DLGAP2: variants seen among roughly 807,000 people sequenced by gnomAD.
The protein encoded by DLGAP2 is disks large-associated protein 2.
In DLGAP2, 26 loss-of-function variants were observed where a neutral mutation model predicts 100.3. The observed-to-expected ratio is 0.26, with a 90% CI of 0.19 to 0.36. The LOEUF (loss-of-function observed/expected upper bound fraction) is 0.36, where lower values mean the gene tolerates loss of function less well. Ranked by LOEUF, DLGAP2 falls within the 10% of genes least tolerant of loss-of-function variation. The pLI, the probability that DLGAP2 is intolerant of heterozygous loss-of-function variation, is 1.00. For missense variants in DLGAP2, 1,858 were observed against 1,453.2 expected (o/e 1.28, Z -4.53); for synonymous variants, 886 against 630.1 (o/e 1.41, Z -6.08).
At chr8:860,005 T>A (rs1363045765) in intron 1 of DLGAP2, among the ~76,000 whole-genome samples, 5 of 152,222 alleles carry the variant, frequency 3.3e-5, no homozygotes, top group African/African-American at 1.2e-4. Context: ...TGGTAAAAAG[T>A]AGATTAAAGT....
At chr8:1,350,167 T>C (rs1304007888) in intron 3 of DLGAP2, among the ~76,000 whole-genome samples, 1 of 151,576 alleles carries the variant, frequency 6.6e-6, no homozygotes, top group African/African-American at 2.4e-5. Context: ...CTTCATGCTC[T>C]TGTGGCGTGG....
chr8:1,276,571 T>C (rs533314397), intron 3 of DLGAP2, among the ~76,000 whole-genome samples: 3 of 152,278 alleles, frequency 2.0e-5, no homozygotes, highest in South Asian at 4.1e-4. Flanking sequence ...GTTTTCACAT[T>C]AAGTGCGGTT....
rs75303431 is a variant in DLGAP2, at chr8:1,469,111, A to C, written c.107-32255A>C. ...GTCATTCATTCTATGAAAGAAATCCATGCTGGGCGCCCCGTGTCCAGCTGG... is the reference window on the plus strand; with the variant it reads ...GTCATTCATTCTATGAAAGAAATCCCTGCTGGGCGCCCCGTGTCCAGCTGG... On this transcript the variant is annotated intron_variant, in intron 3 of 14. Coordinates refer to ENST00000637795, the MANE Select transcript of DLGAP2 (RefSeq NM_001346810.2). Among the ~76,000 whole-genome samples, 240 of 152,306 alleles carry C rather than the reference A, an allele frequency of 1.6e-3. No homozygotes were observed. In the East Asian group the frequency reaches 0.031, roughly 19 times the overall value.
chr8:1,031,996 C>G (rs1563154849), intron 2 of DLGAP2, among the ~76,000 whole-genome samples: 1 of 152,170 alleles, frequency 6.6e-6, no homozygotes, highest in Non-Finnish European at 1.5e-5. Flanking sequence ...GTTTCCCGGG[C>G]CCTTGTGTGG....
chr8:1,366,921 C>A (rs984365547), intron 3 of DLGAP2, among the ~76,000 whole-genome samples: 2 of 152,038 alleles, frequency 1.3e-5, no homozygotes, highest in African/African-American at 4.8e-5. Flanking sequence ...ACCACAGACC[C>A]CGGTAAATAA....
chr8:794,974 C>T (rs534433943), intron 1 of DLGAP2, among the ~76,000 whole-genome samples: 1 of 152,168 alleles, frequency 6.6e-6, no homozygotes, highest in East Asian at 1.9e-4. Context: ...TCCAGGTGAC[C>T]TTACCTGATA....
chr8:1,331,801 C>T (rs1442354861), intron 3 of DLGAP2, among the ~76,000 whole-genome samples: 1 of 152,212 alleles, frequency 6.6e-6, no homozygotes, highest in Non-Finnish European at 1.5e-5. Flanking sequence ...TAAATCCAAG[C>T]ACCTTTCTGG....
In DLGAP2 at chr8:1,122,388, C is replaced by T. The variant is rs557823483; in HGVS notation, c.74-136463C>T. On this transcript the variant is annotated intron_variant, in intron 2 of 14. Transcript: ENST00000637795. ...TTTCCCTAGGATGGGCTGATCTTTA[C>T]CAATGGGCTGTTTAAATGTGCAGCT... Among the ~76,000 whole-genome samples the T allele has an allele frequency of 2.6e-5, 4 of 152,268 alleles. No homozygotes were observed. In the South Asian group the frequency reaches 8.3e-4, roughly 32 times the overall value.
At chr8:1,158,339 CATGT>C (rs1796830959) in intron 2 of DLGAP2, among the ~76,000 whole-genome samples, 1 of 152,164 alleles carries the variant, frequency 6.6e-6, no homozygotes, top group South Asian at 2.1e-4. Flanking sequence ...GTTATATGTG[CATGT>C]ATGTATGTAC....
chr8:1,593,782 G>A (rs1796362209), intron 6 of DLGAP2, among the ~76,000 whole-genome samples: 1 of 152,154 alleles, frequency 6.6e-6, no homozygotes, highest in African/African-American at 2.4e-5. Context: ...GAAGACAGTG[G>A]CATGGCTGGT....
At chr8:1,426,360 G>A (rs950451281) in intron 3 of DLGAP2, among the ~76,000 whole-genome samples, 6 of 152,324 alleles carry the variant, frequency 3.9e-5, no homozygotes, top group African/African-American at 1.4e-4. Flanking sequence ...GAAATGCTGA[G>A]TTGCCCACGA....
At chr8:1,639,050 C>G (rs1020381114) in intron 8 of DLGAP2, among the ~76,000 whole-genome samples, 2 of 152,210 alleles carry the variant, frequency 1.3e-5, no homozygotes, top group African/African-American at 4.8e-5. Context: ...CTCTCAGCAG[C>G]CGAAGCCAAC....
chr8:1,706,628 C>G lies in DLGAP2; in HGVS notation c.*5222C>G, dbSNP rs1248626208. The G allele has an allele frequency of 6.6e-6, 1 of 152,184 alleles. No individual in the cohort carries two copies. The highest frequency in any genetic ancestry group is 2.4e-5 in the African/African-American group (1 of 41,450). 9.4% of individuals were successfully genotyped at this position (152,184 alleles called of 1,614,324 possible). A position where few individuals can be genotyped will look rare whatever the true frequency, so the allele number is the denominator to read the frequency against. On this transcript the variant is annotated 3_prime_UTR_variant, in exon 15 of 15. Transcript: ENST00000637795. ...CTAGATGCTTCCAAGAACAAGAACC[C>G]AGCACCAACCAGAATTAGGCCACGT...
intron 3 of DLGAP2, among the ~76,000 whole-genome samples, chr8:1,407,942 C>T (rs1328860635): frequency 6.6e-6 from 1 of 152,166 alleles, no homozygotes; most frequent in Non-Finnish European, 1.5e-5. Context: ...TCAGGGCTTC[C>T]AGCATTTCCT....
At chr8:1,073,103 C>G (rs993790472) in intron 2 of DLGAP2, among the ~76,000 whole-genome samples, 1 of 152,202 alleles carries the variant, frequency 6.6e-6, no homozygotes, top group Non-Finnish European at 1.5e-5. Flanking sequence ...TGAAGTCAGT[C>G]TCGTAGCTGT....
At chr8:785,816 GC>G (rs1821845359) in intron 1 of DLGAP2, among the ~76,000 whole-genome samples, 1 of 55,832 alleles carries the variant, frequency 1.8e-5, no homozygotes, top group Non-Finnish European at 3.8e-5. Flanking sequence ...CTCCCCTCAG[GC>G]TCCTCTGAGA....
intron 2 of DLGAP2, among the ~76,000 whole-genome samples, chr8:1,145,825 C>T (rs1489346454): frequency 7.1e-6 from 1 of 141,824 alleles, no homozygotes; most frequent in African/African-American, 2.7e-5. Flanking sequence ...CATGTGTTCT[C>T]ATTGTTCAAT....
At chr8:1,237,617 A>G (rs1585178840) in intron 2 of DLGAP2, among the ~76,000 whole-genome samples, 2 of 117,944 alleles carry the variant, frequency 1.7e-5, no homozygotes, top group African/African-American at 3.4e-5. Context: ...GTGTCTAGTT[A>G]CGTCTCACAT....
intron 2 of DLGAP2, among the ~76,000 whole-genome samples, chr8:1,066,994 C>T (rs974671509): frequency 1.3e-5 from 2 of 152,172 alleles, no homozygotes; most frequent in African/African-American, 4.8e-5. Flanking sequence ...CTGCCTGGGC[C>T]CCCCTGATGC....
Sources: allele counts gnomAD v4.1 joint callset (sites outside exome capture counted in the v4.1 genomes callset), GRCh38; gene constraint gnomAD v4.1.1; transcripts MANE v1.5; gene names NCBI Gene and HGNC (gene_info 2026-07-23, HGNC 2026-07-21).